PLA2G6: variants seen among roughly 807,000 people sequenced by gnomAD.
PLA2G6 encodes the protein 85/88 kDa calcium-independent phospholipase A2.
PLA2G6 carries 62 observed loss-of-function variants against 83.8 expected under a neutral mutation model. The observed-to-expected ratio is 0.74, with a 90% CI of 0.60 to 0.91. The LOEUF is 0.91. Among genes scored for constraint, PLA2G6 ranks in the 40% least tolerant of loss-of-function variants. The pLI is 0.00. For synonymous variants in PLA2G6, 417 were observed against 449.8 expected, an observed-to-expected ratio of 0.93 and a Z score of 0.92; for missense variants, 944 against 1,102.0, an observed-to-expected ratio of 0.86 and a Z score of 2.03.
At chr22:38,154,303 T>C (rs1326113907) in intron 2 of PLA2G6, among the ~76,000 whole-genome samples, 1 of 152,208 alleles carries the variant, frequency 6.6e-6, no homozygotes, top group East Asian at 1.9e-4. Flanking sequence ...TGAGACCCAG[T>C]GCTGTGCTGG....
At chr22:38,119,473 T>C (rs560322157) in intron 12 of PLA2G6, among the ~76,000 whole-genome samples, 1 of 152,300 alleles carries the variant, frequency 6.6e-6, no homozygotes, top group African/African-American at 2.4e-5. Context: ...TCTAGAGAGC[T>C]TTCCAGCTCG....
Position 38,133,063 on chromosome 22 carries a change from G to T in PLA2G6, c.895-50C>A, listed in dbSNP as rs748425468. 20 of 1,517,760 alleles carry T rather than the reference G, an allele frequency of 1.3e-5. No individual in the cohort carries two copies. In the South Asian group the frequency reaches 2.3e-4, roughly 17 times the overall value. 94.0% of individuals were successfully genotyped at this position (1,517,760 alleles called of 1,614,324 possible). ...TAGCACAGGCACTCGGGGAGCTGCC[G>T]CACCCCGGGACACGTGGGCACTGCC... On this transcript the variant is annotated intron_variant, in intron 6 of 16. Transcript: ENST00000332509.
In PLA2G6 at chr22:38,112,701, G is replaced by C. The variant is rs987890034; in HGVS notation, c.2203-124C>G. 7.6e-6 allele frequency: 6 copies of C among 791,306 alleles called. No individual in the cohort carries two copies. In the African/African-American group the frequency reaches 8.5e-5, roughly 11 times the overall value. 49.0% of individuals were successfully genotyped at this position (791,306 alleles called of 1,614,324 possible). ...GCCCCAGGCTCTTTCGAGTCAGGCT[G>C]AGCCACACAGCAGCAGAGCGGCTCG... On this transcript the variant is annotated intron_variant, in intron 15 of 16. Coordinates refer to ENST00000332509, the MANE Select transcript of PLA2G6 (RefSeq NM_003560.4).
intron 1 of PLA2G6, among the ~76,000 whole-genome samples, chr22:38,174,148 G>A (rs887973553): frequency 6.6e-6 from 1 of 152,220 alleles, no homozygotes; most frequent in East Asian, 1.9e-4. Flanking sequence ...TGTAATCCCA[G>A]CACTTTGGGA....
intron 6 of PLA2G6, chr22:38,134,624 C>T (rs1000892139): frequency 1.9e-5 from 5 of 266,082 alleles, no homozygotes; most frequent in Non-Finnish European, 2.9e-5. Context: ...CCTGTTAGTT[C>T]TGGCCCTCTA....
chr22:38,123,059 G>A lies in PLA2G6; in HGVS notation c.1591+36C>T, dbSNP rs201705185. On this transcript the variant is annotated intron_variant, in intron 11 of 16. Transcript: ENST00000332509. This position sits in a 1 kb window ranked among gnomAD's most constrained non-coding sequence, Gnocchi z 4.1. ...CGGCCCCTTGAGGACACAGGTCTCA[G>A]CCCCGCCTGGCCCCATCCCCAGGGG... The A allele has an allele frequency of 2.6e-4, 394 of 1,540,374 alleles. 1 individual carries two copies. Among genetic ancestry groups the A allele is most frequent in the Admixed American group, 1.3e-3 (65 of 50,992 alleles).
At chr22:38,126,025 T>C (rs1029798617) in intron 10 of PLA2G6, among the ~76,000 whole-genome samples, 1 of 152,088 alleles carries the variant, frequency 6.6e-6, no homozygotes, top group African/African-American at 2.4e-5. Context: ...GTAGGAGCAG[T>C]GGGAAGCAGC....
intron 14 of PLA2G6, 58 bp downstream of exon 14, chr22:38,115,469 G>A (rs1021400208): frequency 6.5e-7 from 1 of 1,543,610 alleles, no homozygotes; most frequent in African/African-American, 1.4e-5. Context: ...ATGGTTTGCT[G>A]ACACAGGATT....
intron 10 of PLA2G6, among the ~76,000 whole-genome samples, chr22:38,124,995 C>T (rs1201630225): frequency 1.3e-5 from 2 of 152,218 alleles, no homozygotes; most frequent in Non-Finnish European, 2.9e-5. Context: ...GCCTCAGCCC[C>T]GCTCCAGGCA....
At chr22:38,122,859 G>A (rs1419320309) in intron 11 of PLA2G6, among the ~76,000 whole-genome samples, 1 of 152,186 alleles carries the variant, frequency 6.6e-6, no homozygotes, top group African/African-American at 2.4e-5. Flanking sequence ...CACACAGCCA[G>A]CTCTACCCTC....
At chr22:38,131,934 G>A in intron 7 of PLA2G6, 2 of 329,302 alleles carry the variant, frequency 6.1e-6, no homozygotes, top group South Asian at 4.4e-5. Context: ...GGCCAACGTG[G>A]TGAAACCCCG....
intron 2 of PLA2G6, among the ~76,000 whole-genome samples, chr22:38,153,965 C>T (rs1037985104): frequency 1.3e-5 from 2 of 152,182 alleles, no homozygotes; most frequent in Admixed American, 6.5e-5. Flanking sequence ...GGCAGCACTG[C>T]CACAGGGCTG....
intron 2 of PLA2G6, among the ~76,000 whole-genome samples, chr22:38,167,429 T>C (rs982348066): frequency 6.6e-6 from 1 of 152,132 alleles, no homozygotes; most frequent in African/African-American, 2.4e-5. Context: ...TGATTATTGG[T>C]ACGTGGAGAT....
chr22:38,145,637 A>G lies in PLA2G6; in HGVS notation c.226T>C (p.Leu76=), dbSNP rs201134327. Residue 76 remains leucine (L), a synonymous_variant, in exon 3 of 17, where the codon TTG becomes CTG. Transcript: ENST00000332509. The part of the protein sequence containing the change: ...QSGFRLFQLE[L]EADALVNFHQ... ...AAATTCACTAGGGCGTCAGCCTCCA[A>G]CTCCAGCTGGAAGAGTCTGTAGAGC... 55 of 1,611,978 alleles carry G rather than the reference A, an allele frequency of 3.4e-5. No individual in the cohort carries two copies. In the Admixed American group the frequency reaches 7.5e-4, roughly 22 times the overall value.
At chr22:38,165,425 G>C (rs2090175754) in intron 2 of PLA2G6, among the ~76,000 whole-genome samples, 1 of 152,150 alleles carries the variant, frequency 6.6e-6, no homozygotes, top group African/African-American at 2.4e-5. Context: ...GAGGGCAAGA[G>C]GAAGGAAGGC....
At chr22:38,142,857 T>G in intron 4 of PLA2G6, 1 of 551,856 alleles carries the variant, frequency 1.8e-6, no homozygotes, top group Non-Finnish European at 3.3e-6. Context: ...TTTTTGGGGT[T>G]TATTTTGCTG....
intron 5 of PLA2G6, chr22:38,139,005 CT>C: frequency 6.6e-6 from 1 of 152,250 alleles, no homozygotes; most frequent in South Asian, 2.1e-4. Context: ...ATTCATTTAT[CT>C]TTTTATCTCA....
chr22:38,127,041 T>C, intron 9 of PLA2G6: 2 of 1,090,454 alleles, frequency 1.8e-6, no homozygotes, highest in Non-Finnish European at 2.2e-6. Context: ...TGTCTTCCTT[T>C]GTGTCCAAGG....
At chr22:38,140,191 T>A in intron 4 of PLA2G6, 22 bp from the exon 5 acceptor site, 1 of 1,610,286 alleles carries the variant, frequency 6.2e-7, no homozygotes. Context: ...GGAAGGGAAG[T>A]TTGACTCCAT....
Sources: allele counts gnomAD v4.1 joint callset (sites outside exome capture counted in the v4.1 genomes callset), GRCh38; gene constraint gnomAD v4.1.1; non-coding constraint Gnocchi (gnomAD v3.1); transcripts MANE v1.5; gene names NCBI Gene and HGNC (gene_info 2026-07-23, HGNC 2026-07-21).